Variants in DMXL1 observed in about 807,000 individuals in gnomAD.
The protein encoded by DMXL1 is dmX-like protein 1.
A neutral mutation model predicts 319.2 loss-of-function variants in DMXL1; 99 were observed. The ratio of observed to expected loss-of-function variants is 0.31; its 90% CI spans 0.26 to 0.37. The LOEUF is 0.37. Ranked by LOEUF, DMXL1 falls within the 10% of genes least tolerant of loss-of-function variation. The pLI, the probability that DMXL1 is intolerant of heterozygous loss-of-function variation, is 1.00. For synonymous variants in DMXL1, 1,385 were observed against 1,235.2 expected, an observed-to-expected ratio of 1.12 and a Z score of -2.54; for missense variants, 3,745 against 3,595.6, an observed-to-expected ratio of 1.04 and a Z score of -1.06.
intron 2 of DMXL1, among the ~76,000 whole-genome samples, chr5:119,101,177 C>T (rs1209670192): frequency 1.3e-5 from 2 of 152,192 alleles, no homozygotes; most frequent in African/African-American, 2.4e-5. Context: ...TAAACACTTC[C>T]TCCAGATCAA....
At chr5:119,157,156 C>G (rs1423706644) in intron 19 of DMXL1, among the ~76,000 whole-genome samples, 1 of 152,012 alleles carries the variant, frequency 6.6e-6, no homozygotes, top group East Asian at 1.9e-4. Flanking sequence ...CCTGGCATGC[C>G]TATTTTTTAA....
chr5:119,173,858 C>T (rs1042144106), intron 25 of DMXL1, among the ~76,000 whole-genome samples: 18 of 146,130 alleles, frequency 1.2e-4, no homozygotes, highest in African/African-American at 4.6e-4. Context: ...TGAAAAGTCC[C>T]AAGATCTGCA....
chr5:119,193,566 G>A (rs1393266949), intron 29 of DMXL1, among the ~76,000 whole-genome samples: 1 of 152,118 alleles, frequency 6.6e-6, no homozygotes, highest in Non-Finnish European at 1.5e-5. Context: ...TGAGGGTGGT[G>A]ATTGTATCTG....
chr5:119,224,526 T>C (rs933377166), intron 37 of DMXL1, among the ~76,000 whole-genome samples, 183 bp from the exon 38 acceptor site: 1 of 151,988 alleles, frequency 6.6e-6, no homozygotes, highest in Admixed American at 6.5e-5. Flanking sequence ...CCAAAATATA[T>C]GTGCAAATAT....
chr5:119,144,402 G>C, intron 14 of DMXL1, 134 bp from the exon 15 acceptor site: 1 of 641,566 alleles, frequency 1.6e-6, no homozygotes, highest in Non-Finnish European at 2.7e-6. Context: ...GGTGCCATAC[G>C]CTTACGTTCT....
At chr5:119,126,107 A>C (rs1763500177) in intron 9 of DMXL1, among the ~76,000 whole-genome samples, 1 of 152,000 alleles carries the variant, frequency 6.6e-6, no homozygotes, top group Non-Finnish European at 1.5e-5. Flanking sequence ...AACATGGTGA[A>C]ACCCCGTCTC....
intron 9 of DMXL1, chr5:119,128,255 A>C: frequency 3.3e-6 from 1 of 303,412 alleles, no homozygotes; most frequent in Non-Finnish European, 6.4e-6. Context: ...GAGTTGATTA[A>C]TGTAAAGTTT....
In DMXL1 at chr5:119,247,004, C is replaced by A; in HGVS notation, c.8932C>A (p.Leu2978Ile). 2 of 1,607,540 alleles carry A rather than the reference C, an allele frequency of 1.2e-6. No individual in the cohort carries two copies. Among genetic ancestry groups the A allele is most frequent in the South Asian group, 1.1e-5 (1 of 90,624 alleles). ...TCTTAATATCTTTCAGATTTGGAGT[C>A]TCTCTACCTTTGGTCTTCTCCATAC... is the stretch of plus-strand genomic sequence containing the variant. ...SAEGNIKIWS[L>I]STFGLLHTFV... The change falls in exon 44 of 44, where the codon CTC becomes ATC. Residue 2978 changes from leucine (L) to isoleucine (I), a missense_variant. Around this residue, in one of 4 missense-constraint regions of DMXL1, gnomAD observed 262 missense variants for 320.5 expected, o/e 0.82. Coordinates refer to ENST00000539542, the MANE Select transcript of DMXL1 (RefSeq NM_001290321.3).
Position 119,164,594 on chromosome 5 carries a change from A to G in DMXL1, c.4790A>G (p.Asp1597Gly), listed in dbSNP as rs746628540. Residue 1597 changes from aspartate (D) to glycine (G), a missense_variant, in exon 20 of 44, where the codon GAT becomes GGT. Asp to Gly is a moderately conservative substitution (Grantham distance 94). This residue lies in a region of DMXL1 where 2,096 missense variants were observed against 1,985.4 expected (regional missense o/e 1.06). Coordinates refer to ENST00000539542, the MANE Select transcript of DMXL1 (RefSeq NM_001290321.3). ...LNMLPAMQKD[D>G]PTWSELRAMG... The stretch of plus-strand genomic sequence containing the variant: ...ATGTTGCCAGCCATGCAGAAAGATG[A>G]TCCCACTTGGTCTGAACTAAGAGCT... The G allele has an allele frequency of 8.1e-6, 13 of 1,614,132 alleles. No homozygotes were observed. The highest frequency in any genetic ancestry group is 1.1e-5 in the Non-Finnish European group (13 of 1,179,976).
chr5:119,157,832 G>GT (rs899021777), intron 19 of DMXL1, among the ~76,000 whole-genome samples: 2 of 151,934 alleles, frequency 1.3e-5, no homozygotes. Flanking sequence ...GAATTTTAGG[G>GT]TTTTTTTCTT....
At chr5:119,224,662 T>C in intron 37 of DMXL1, 47 bp from the exon 38 acceptor site, 1 of 701,062 alleles carries the variant, frequency 1.4e-6, no homozygotes, top group South Asian at 2.8e-5. Flanking sequence ...ATTTAAATGT[T>C]TAATCCTTTT....
Position 119,149,756 on chromosome 5 carries a change from G to C in DMXL1, c.3929G>C (p.Gly1310Ala), listed in dbSNP as rs905198714. ...CCTTCAGTGGATATGGAAGATTCAGGTCTTTTTGAAGCAGCTCATGTACTT... is the reference window on the plus strand; with the variant it reads ...CCTTCAGTGGATATGGAAGATTCAGCTCTTTTTGAAGCAGCTCATGTACTT... ...FDPSVDMEDS[G>A]LFEAAHVLSP... Residue 1310 changes from glycine (G) to alanine (A), a missense_variant, in exon 18 of 44, where the codon GGT (glycine) becomes GCT (alanine). Transcript: ENST00000539542. 5.0e-6 allele frequency: 8 copies of C among 1,613,956 alleles called. No homozygotes were observed. The highest frequency in any genetic ancestry group is 5.9e-6 in the Non-Finnish European group (7 of 1,179,926).
intron 29 of DMXL1, among the ~76,000 whole-genome samples, chr5:119,192,615 T>C (rs1375449771): frequency 6.6e-6 from 1 of 152,236 alleles, no homozygotes; most frequent in Non-Finnish European, 1.5e-5. Flanking sequence ...GTGGAAACTT[T>C]TAAATTATTT....
intron 13 of DMXL1, among the ~76,000 whole-genome samples, chr5:119,142,575 C>T (rs891544038): frequency 6.8e-6 from 1 of 147,108 alleles, no homozygotes; most frequent in African/African-American, 2.5e-5. Flanking sequence ...GGAACACTTA[C>T]ACAGTGTTGA....
In DMXL1 at chr5:119,220,474, A is replaced by T; in HGVS notation, c.8016A>T (p.Ala2672=). ...DIITAFAVNK[A]NRNCIAIASS... is the part of the protein sequence containing the mutation. Reference sequence around the variant, plus strand: ...TTACCATTTGACTTATTTTTCAGGCAAATAGAAACTGCATAGCAATCGCTT... The same window carrying T: ...TTACCATTTGACTTATTTTTCAGGCTAATAGAAACTGCATAGCAATCGCTT... The change falls in exon 36 of 44, where the codon GCA becomes GCT. Residue 2672 remains alanine, a splice_region_variant and synonymous_variant. Transcript: ENST00000539542. 6.2e-7 allele frequency: 1 copy of T among 1,612,436 alleles called. No homozygotes were observed. Among genetic ancestry groups the T allele is most frequent in the East Asian group, 2.2e-5 (1 of 44,794 alleles).
intron 6 of DMXL1, among the ~76,000 whole-genome samples, chr5:119,115,374 T>C (rs1760612354): frequency 6.6e-6 from 1 of 152,238 alleles, no homozygotes; most frequent in African/African-American, 2.4e-5. Context: ...GTATACTTTA[T>C]TACCTGTCTA....
At chr5:119,197,636 C>A in intron 31 of DMXL1, 119 bp from the exon 32 acceptor site, 1 of 912,978 alleles carries the variant, frequency 1.1e-6, no homozygotes, top group Non-Finnish European at 1.7e-6. Flanking sequence ...GTTAATATTT[C>A]ATCTCAGTCT....
At chr5:119,143,121 C>T (rs1175036399) in intron 13 of DMXL1, among the ~76,000 whole-genome samples, 5 of 151,888 alleles carry the variant, frequency 3.3e-5, no homozygotes, top group African/African-American at 4.8e-5. Flanking sequence ...AAATAACTCT[C>T]GGGTACTGGG....
intron 32 of DMXL1, among the ~76,000 whole-genome samples, chr5:119,202,885 T>TTATATATATA (rs372719854): frequency 1.5e-5 from 2 of 130,772 alleles, no homozygotes; most frequent in African/African-American, 6.0e-5. Context: ...ATATATATTT[T>TTATATATATA]TATATATATA....
Sources: gnomAD v4.1 joint callset for allele counts (sites outside exome capture counted in the v4.1 genomes callset) on GRCh38, gnomAD v4.1.1 for gene constraint, gnomAD v4.1.1 regional missense constraint, MANE v1.5 for transcripts, NCBI Gene and HGNC (gene_info 2026-07-23, HGNC 2026-07-21) for gene names.